The following FRMD4A variants were observed in gnomAD, a reference collection of about 807,000 sequenced individuals.
FRMD4A encodes the protein FERM domain-containing protein 4A.
In FRMD4A, 29 loss-of-function variants were observed where a neutral mutation model predicts 129.1. The ratio of observed to expected loss-of-function variants is 0.22; its 90% CI spans 0.17 to 0.31. The LOEUF (loss-of-function observed/expected upper bound fraction) is 0.31. Ranked by LOEUF, FRMD4A falls within the 10% of genes least tolerant of loss-of-function variation. The pLI is 1.00. For synonymous variants in FRMD4A, 634 were observed against 571.6 expected, an observed-to-expected ratio of 1.11 and a Z score of -1.56; for missense variants, 1,272 against 1,375.8, an observed-to-expected ratio of 0.92 and a Z score of 1.19.
intron 12 of FRMD4A, among the ~76,000 whole-genome samples, chr10:13,710,023 G>C (rs142504150): frequency 2.2e-4 from 34 of 152,142 alleles, no homozygotes; most frequent in African/African-American, 8.2e-4. Flanking sequence ...TTTGATCAAG[G>C]GGCCCTGCAT....
intron 2 of FRMD4A, among the ~76,000 whole-genome samples, chr10:14,101,288 C>A (rs932585389): frequency 2.6e-5 from 4 of 152,114 alleles, no homozygotes; most frequent in Non-Finnish European, 5.9e-5. Flanking sequence ...ATCCTTCCTG[C>A]GGGCAATGAA....
rs2093630179 is a variant in FRMD4A, at chr10:13,821,567, T to C, written c.112-10659A>G. 6.6e-6 allele frequency among the ~76,000 whole-genome samples: 1 copy of C among 152,164 alleles called. No individual in the cohort carries two copies. The highest frequency in any genetic ancestry group is 1.5e-5 in the Non-Finnish European group (1 of 68,030). ...AAAGCTGCCAACAACACTGCCCACC[T>C]GTCCCCGCCTGCAGCTGCTACTTCA... On this transcript the variant is annotated intron_variant, in intron 3 of 24. Coordinates refer to ENST00000357447, the MANE Select transcript of FRMD4A (RefSeq NM_018027.5). The surrounding 1 kb of genome is among the most constrained non-coding windows in gnomAD (Gnocchi z 4.3).
intron 2 of FRMD4A, among the ~76,000 whole-genome samples, chr10:14,092,263 G>C (rs937681276): frequency 2.0e-5 from 3 of 152,164 alleles, no homozygotes; most frequent in African/African-American, 4.8e-5. Context: ...TCAGCACTCG[G>C]GTTCTATTCT....
intron 2 of FRMD4A, among the ~76,000 whole-genome samples, chr10:14,329,627 C>T (rs566451523): frequency 2.6e-5 from 4 of 152,218 alleles, no homozygotes; most frequent in South Asian, 2.1e-4. Flanking sequence ...GATATATGGG[C>T]GCCTAGAAAG....
chr10:14,069,118 T>C (rs1300494355), intron 2 of FRMD4A, among the ~76,000 whole-genome samples: 2 of 152,154 alleles, frequency 1.3e-5, no homozygotes, highest in Admixed American at 1.3e-4. Flanking sequence ...GGAAATATCA[T>C]TGGCCTTCTG....
At chr10:13,707,276 A>G (rs1184342645) in intron 12 of FRMD4A, 163 bp from the exon 13 acceptor site, 2 of 824,374 alleles carry the variant, frequency 2.4e-6, no homozygotes, top group South Asian at 2.3e-5. Context: ...ACACACATAC[A>G]CACACACACG....
At chr10:13,848,495 G>A (rs761928526) in intron 3 of FRMD4A, among the ~76,000 whole-genome samples, 5 of 152,028 alleles carry the variant, frequency 3.3e-5, no homozygotes, top group African/African-American at 7.3e-5. Flanking sequence ...GGGCAGGGGC[G>A]CAAAGAAGGG....
At chr10:13,909,742 A>G (rs1014422870) in intron 2 of FRMD4A, among the ~76,000 whole-genome samples, 1 of 152,236 alleles carries the variant, frequency 6.6e-6, no homozygotes, top group African/African-American at 2.4e-5. Flanking sequence ...CATTTTATTT[A>G]TTTTGCAACT....
intron 2 of FRMD4A, among the ~76,000 whole-genome samples, chr10:14,150,454 A>AT (rs998899359): frequency 1.3e-5 from 2 of 152,086 alleles, no homozygotes; most frequent in African/African-American, 2.4e-5. Flanking sequence ...AAATTGCTTA[A>AT]TTTTTTGCAT....
intron 2 of FRMD4A, chr10:14,326,676 C>T: frequency 2.5e-6 from 1 of 396,252 alleles, no homozygotes. Flanking sequence ...CTTGGTTATT[C>T]ATCCTTATCC....
At chr10:14,131,398 C>CCA (rs1554767029) in intron 2 of FRMD4A, among the ~76,000 whole-genome samples, 3 of 144,442 alleles carry the variant, frequency 2.1e-5, no homozygotes, top group Admixed American at 1.3e-4. Context: ...CTCACTGTGC[C>CCA]CCCCCCGGCC....
At chr10:13,997,668 G>C (rs943886732) in intron 2 of FRMD4A, among the ~76,000 whole-genome samples, 1 of 148,908 alleles carries the variant, frequency 6.7e-6, no homozygotes, top group Non-Finnish European at 1.5e-5. Flanking sequence ...TGTCACCCAG[G>C]CTGGATTGCA....
At chr10:13,910,523 G>A (rs976932966) in intron 2 of FRMD4A, among the ~76,000 whole-genome samples, 4 of 152,210 alleles carry the variant, frequency 2.6e-5, no homozygotes, top group South Asian at 2.1e-4. Flanking sequence ...TATATTTTGC[G>A]ATGGTTTGTT....
At position 13,656,715 on chromosome 10, in the gene FRMD4A, C is replaced by G; in HGVS notation, c.2874G>C (p.Gln958His). The G allele has an allele frequency of 6.3e-7, 1 of 1,587,330 alleles. No homozygotes were observed. Among genetic ancestry groups the G allele is most frequent in the Non-Finnish European group, 8.6e-7 (1 of 1,168,202 alleles). ...AGGTGCTCTGGGAGGAGGTGCTGTACTGCGAGCCGCTGTCCGAGGAGGTGG... is the reference window on the plus strand; with the variant it reads ...AGGTGCTCTGGGAGGAGGTGCTGTAGTGCGAGCCGCTGTCCGAGGAGGTGG... Reference protein sequence around the residue: ...TSSTSSDSGSQYSTSSQSTFV... With the variant: ...TSSTSSDSGSHYSTSSQSTFV... The change falls in exon 22 of 25, where the codon CAG (glutamine) becomes CAC (histidine). Residue 958 changes from glutamine to histidine, a missense_variant. Gln to His is a conservative substitution (Grantham distance 24, BLOSUM62 0). This residue lies in a region of FRMD4A where 972 missense variants were observed against 892.3 expected (regional missense o/e 1.09). Transcript: ENST00000357447.
intron 2 of FRMD4A, among the ~76,000 whole-genome samples, chr10:14,060,094 T>C (rs561376028): frequency 1.3e-5 from 2 of 152,376 alleles, no homozygotes; most frequent in East Asian, 1.9e-4. Context: ...CTGGCGTTTA[T>C]TGCATCCTCC....
chr10:13,750,093 A>G (rs56785977), intron 8 of FRMD4A, among the ~76,000 whole-genome samples: 3,933 of 78,156 alleles, frequency 0.05, 118 homozygotes, highest in African/African-American at 0.11. Context: ...AGAAAGAAAG[A>G]AAGAAAGAAA....
intron 2 of FRMD4A, among the ~76,000 whole-genome samples, chr10:14,132,631 C>T (rs1182476412): frequency 6.6e-6 from 1 of 152,188 alleles, no homozygotes; most frequent in Non-Finnish European, 1.5e-5. Flanking sequence ...CCACCACCTC[C>T]CATTCCTCCT....
At chr10:13,983,507 T>A (rs893034236) in intron 2 of FRMD4A, among the ~76,000 whole-genome samples, 9 of 152,128 alleles carry the variant, frequency 5.9e-5, no homozygotes, top group South Asian at 4.1e-4. Context: ...ATATATATAT[T>A]TTTTTCCAGA....
intron 2 of FRMD4A, among the ~76,000 whole-genome samples, chr10:14,302,036 G>C (rs140979856): frequency 0.019 from 2,882 of 152,246 alleles, 51 homozygotes; most frequent in Middle Eastern, 0.088. Context: ...ATCACCTCAA[G>C]GTCCAAATAG....
Sources: allele counts gnomAD v4.1 joint callset (sites outside exome capture counted in the v4.1 genomes callset), GRCh38; gene constraint gnomAD v4.1.1; regional missense constraint gnomAD v4.1.1; non-coding constraint Gnocchi (gnomAD v3.1); transcripts MANE v1.5; gene names NCBI Gene and HGNC (gene_info 2026-07-23, HGNC 2026-07-21).